KCNH1: variants seen among roughly 807,000 people sequenced by gnomAD.
KCNH1 encodes potassium voltage-gated channel subfamily H member 1.
Under a neutral mutation model 69.2 loss-of-function variants are expected in KCNH1, and 27 were observed. The observed-to-expected ratio is 0.39, with a 90% CI of 0.29 to 0.54. The LOEUF (loss-of-function observed/expected upper bound fraction) is 0.54. Ranked by LOEUF, KCNH1 falls within the 20% of genes least tolerant of loss-of-function variation. The pLI, the probability that KCNH1 is intolerant of heterozygous loss-of-function variation, is 0.68. For synonymous variants in KCNH1, 456 were observed against 487.7 expected (o/e 0.93, Z 0.86); for missense variants, 798 against 1,261.6 (o/e 0.63, Z 5.57).
chr1:210,804,428 G>A (rs925066998), intron 7 of KCNH1, among the ~76,000 whole-genome samples: 33 of 152,340 alleles, frequency 2.2e-4, no homozygotes, highest in Admixed American at 5.2e-4. Context: ...TGGCATGGCC[G>A]GGGCCAGAAC....
At chr1:210,895,207 T>C (rs1686840117) in intron 7 of KCNH1, among the ~76,000 whole-genome samples, 1 of 152,000 alleles carries the variant, frequency 6.6e-6, no homozygotes, top group African/African-American at 2.4e-5. Context: ...CTTTGTTATA[T>C]AACCTTGGAC....
At chr1:211,089,743 C>G (rs1450974095) in intron 4 of KCNH1, among the ~76,000 whole-genome samples, 2 of 152,206 alleles carry the variant, frequency 1.3e-5, no homozygotes, top group Admixed American at 1.3e-4. Flanking sequence ...AACCACAGAG[C>G]CAGGTAGCAC....
chr1:211,118,850 G>C (rs1232282253), intron 1 of KCNH1, among the ~76,000 whole-genome samples: 1 of 152,224 alleles, frequency 6.6e-6, no homozygotes, highest in African/African-American at 2.4e-5. Context: ...TTAGAAAAGT[G>C]ACTCAGTTTG....
At chr1:210,714,145 C>G (rs1448923538) in intron 10 of KCNH1, among the ~76,000 whole-genome samples, 1 of 152,156 alleles carries the variant, frequency 6.6e-6, no homozygotes, top group African/African-American at 2.4e-5. Context: ...ACAGAAAGAG[C>G]TCTGGGCTGT....
chr1:210,988,173 C>T (rs1688878413), intron 6 of KCNH1, among the ~76,000 whole-genome samples: 1 of 152,154 alleles, frequency 6.6e-6, no homozygotes, highest in Non-Finnish European at 1.5e-5. Flanking sequence ...TTTCCAGGTG[C>T]CGTCTGTCAC....
At chr1:210,783,953 C>G (rs17016892) in intron 9 of KCNH1, among the ~76,000 whole-genome samples, 1,576 of 152,288 alleles carry the variant, frequency 0.01, 30 homozygotes, top group African/African-American at 0.036. Context: ...GCATGAGCTT[C>G]CATGTGTCTA....
intron 9 of KCNH1, among the ~76,000 whole-genome samples, chr1:210,792,936 G>A (rs188693706): frequency 3.2e-4 from 48 of 152,202 alleles, no homozygotes; most frequent in Middle Eastern, 3.4e-3. Context: ...AGAATACCAA[G>A]ATAACTACTT....
intron 10 of KCNH1, among the ~76,000 whole-genome samples, chr1:210,748,402 A>G (rs1683210120): frequency 6.6e-6 from 1 of 152,236 alleles, no homozygotes. Flanking sequence ...AGCAACTATT[A>G]TGACAGAACT....
chr1:211,093,877 T>C (rs2102475834), intron 3 of KCNH1, among the ~76,000 whole-genome samples: 1 of 152,192 alleles, frequency 6.6e-6, no homozygotes, highest in East Asian at 1.9e-4. Flanking sequence ...TCCCCTACCC[T>C]ATAAAGGGGG....
At position 210,683,716 on chromosome 1, in the gene KCNH1, C is replaced by T. The variant is rs1681332641; in HGVS notation, c.2535G>A (p.Gly845=). 2 of 1,614,228 alleles carry T rather than the reference C, an allele frequency of 1.2e-6. No homozygotes were observed. The highest frequency in any genetic ancestry group is 1.7e-6 in the Non-Finnish European group (2 of 1,180,044). Residue 845 remains glycine, a synonymous_variant, in exon 11 of 11, where the codon GGG becomes GGA. Coordinates refer to ENST00000271751, the MANE Select transcript of KCNH1 (RefSeq NM_172362.3). This position sits in a 1 kb window ranked among gnomAD's most constrained non-coding sequence, Gnocchi z 5.7. The stretch of plus-strand genomic sequence containing the variant: ...ACACCTTGTTCCAGTCCTCACTCTT[C>T]CCGCAAGCATCTTTGAAGCGGGCCC... ...KSWARFKDAC[G]KSEDWNKVSK...
At chr1:211,029,863 A>G (rs1215263057) in intron 5 of KCNH1, among the ~76,000 whole-genome samples, 5 of 152,244 alleles carry the variant, frequency 3.3e-5, no homozygotes, top group Non-Finnish European at 4.4e-5. Flanking sequence ...CAAGATACAC[A>G]TATAAAAATT....
At chr1:211,099,897 C>A (rs1052775197) in intron 3 of KCNH1, among the ~76,000 whole-genome samples, 2 of 152,136 alleles carry the variant, frequency 1.3e-5, no homozygotes, top group Non-Finnish European at 2.9e-5. Context: ...GCCCCCTGGA[C>A]ACCTGTCAGT....
chr1:210,867,060 G>A (rs1686125377), intron 7 of KCNH1, among the ~76,000 whole-genome samples: 1 of 151,950 alleles, frequency 6.6e-6, no homozygotes, highest in Non-Finnish European at 1.5e-5. Flanking sequence ...GTCCAGAACA[G>A]GTAAATCTAC....
chr1:211,015,814 A>AAATCTTCCCATTC (rs1361473127), intron 6 of KCNH1, among the ~76,000 whole-genome samples: 1 of 152,210 alleles, frequency 6.6e-6, no homozygotes, highest in Non-Finnish European at 1.5e-5. Flanking sequence ...ACTAAAAGCC[A>AAATCTTCCCATTC]AATCTTCCCA....
At chr1:210,870,489 A>G (rs1438143448) in intron 7 of KCNH1, among the ~76,000 whole-genome samples, 1 of 152,218 alleles carries the variant, frequency 6.6e-6, no homozygotes, top group African/African-American at 2.4e-5. Flanking sequence ...TACTGTGAGC[A>G]GTGTCACCCA....
chr1:211,065,131 A>G (rs1690505006), intron 5 of KCNH1, among the ~76,000 whole-genome samples: 1 of 152,228 alleles, frequency 6.6e-6, no homozygotes, highest in Non-Finnish European at 1.5e-5. Context: ...ATCTCTCTAC[A>G]GGGTATATCG....
chr1:210,764,551 A>G (rs1683586377), intron 10 of KCNH1, among the ~76,000 whole-genome samples: 1 of 152,204 alleles, frequency 6.6e-6, no homozygotes, highest in Non-Finnish European at 1.5e-5. Flanking sequence ...AAAAGTGGGC[A>G]AACGACATGA....
intron 7 of KCNH1, among the ~76,000 whole-genome samples, chr1:210,895,231 T>C (rs1686840644): frequency 6.6e-6 from 1 of 151,954 alleles, no homozygotes; most frequent in Non-Finnish European, 1.5e-5. Flanking sequence ...TTAATCACAG[T>C]GTCTTTTAAC....
chr1:210,905,936 C>T (rs1687093366), intron 7 of KCNH1, among the ~76,000 whole-genome samples: 1 of 152,182 alleles, frequency 6.6e-6, no homozygotes, highest in Non-Finnish European at 1.5e-5. Flanking sequence ...TTTCATTCTT[C>T]CTAAATCAAA....
Sources: allele counts gnomAD v4.1 joint callset (sites outside exome capture counted in the v4.1 genomes callset), GRCh38; gene constraint gnomAD v4.1.1; non-coding constraint Gnocchi (gnomAD v3.1); transcripts MANE v1.5; gene names NCBI Gene and HGNC (gene_info 2026-07-23, HGNC 2026-07-21).